Variants in GREM2 observed in about 807,000 individuals in gnomAD.
GREM2 encodes the protein gremlin-2.
A neutral mutation model predicts 14.2 loss-of-function variants in GREM2; 11 were observed. That is an observed-to-expected ratio of 0.78 (90% CI 0.49 to 1.28). GREM2 has a LOEUF of 1.28. Ranked by LOEUF, GREM2 falls within the 50% of genes most tolerant of loss-of-function variation. GREM2 has a pLI of 0.00. For missense variants in GREM2, 210 were observed against 218.5 expected, an observed-to-expected ratio of 0.96 and a Z score of 0.24; for synonymous variants, 98 against 97.6, an observed-to-expected ratio of 1.00 and a Z score of -0.02.
rs190851328 is a variant in GREM2, at chr1:240,537,029, T to A, written c.-1-43553A>T. ...GACCAATTAATTCCTAAGACTTAGA[T>A]ACATTAGTGAAAGCACTTTTAGTTG... On this transcript the variant is annotated intron_variant, in intron 1 of 1. Coordinates refer to ENST00000318160, the MANE Select transcript of GREM2 (RefSeq NM_022469.4). 1.5e-3 allele frequency among the ~76,000 whole-genome samples: 227 copies of A among 152,338 alleles called. 1 individual carries two copies. Among genetic ancestry groups the A allele is most frequent in the African/African-American group, 3.8e-3 (156 of 41,576 alleles).
intron 1 of GREM2, among the ~76,000 whole-genome samples, chr1:240,582,273 T>TA (rs1471844631): frequency 3.3e-5 from 5 of 152,066 alleles, no homozygotes; most frequent in African/African-American, 1.2e-4. Flanking sequence ...CCGTCTCTAC[T>TA]AAAAATACAA....
chr1:240,489,580 G>C lies in GREM2; in HGVS notation c.*3389C>G, dbSNP rs961903502. 6.6e-6 allele frequency: 1 copy of C among 152,214 alleles called. No individual in the cohort carries two copies. Among genetic ancestry groups the C allele is most frequent in the Non-Finnish European group, 1.5e-5 (1 of 68,040 alleles). 9.4% of individuals were successfully genotyped at this position (152,214 alleles called of 1,614,324 possible). Reference sequence around the variant, plus strand: ...CATGATGAATAAGACATCTTAGGCTGCTCTGCCTATGAAGTAGGCATTCTT... The same window carrying C: ...CATGATGAATAAGACATCTTAGGCTCCTCTGCCTATGAAGTAGGCATTCTT... On this transcript the variant is annotated 3_prime_UTR_variant, in exon 2 of 2. Transcript: ENST00000318160.
intron 1 of GREM2, 74 bp from the exon 2 acceptor site, chr1:240,493,550 T>TA (rs1677322595): frequency 5.6e-6 from 8 of 1,434,258 alleles, no homozygotes; most frequent in Non-Finnish European, 7.4e-6. Flanking sequence ...TATTTTTTTT[T>TA]TTATTTTAGA....
At chr1:240,510,286 C>G (rs986109390) in intron 1 of GREM2, among the ~76,000 whole-genome samples, 1 of 128,146 alleles carries the variant, frequency 7.8e-6, no homozygotes, top group Non-Finnish European at 1.6e-5. Context: ...AGGAGAATGG[C>G]GTGAACCGGG....
chr1:240,522,780 C>G (rs1678132432), intron 1 of GREM2, among the ~76,000 whole-genome samples: 2 of 152,128 alleles, frequency 1.3e-5, no homozygotes, highest in Non-Finnish European at 2.9e-5. Flanking sequence ...GGAAAGAACA[C>G]TTCATCTATC....
In GREM2 at chr1:240,489,680, T is replaced by C. The variant is rs746155470; in HGVS notation, c.*3289A>G. 1 of 152,270 alleles carries C rather than the reference T, an allele frequency of 6.6e-6. No individual in the cohort carries two copies. Among genetic ancestry groups the C allele is most frequent in the Non-Finnish European group, 1.5e-5 (1 of 68,044 alleles). The allele number at this position is 152,270 out of a possible 1,614,324, so 9.4% of individuals were successfully genotyped here. A position where few individuals can be genotyped will look rare whatever the true frequency, so the allele number is the denominator to read the frequency against. The stretch of plus-strand genomic sequence containing the variant: ...TGCATTATTGATGACTTGGTCTTAT[T>C]GTTATCATTCATGCAGACATTAATA... On this transcript the variant is annotated 3_prime_UTR_variant, in exon 2 of 2. Coordinates refer to ENST00000318160, the MANE Select transcript of GREM2 (RefSeq NM_022469.4).
intron 1 of GREM2, among the ~76,000 whole-genome samples, chr1:240,598,006 A>T (rs530855896): frequency 1.3e-5 from 2 of 152,312 alleles, no homozygotes; most frequent in Non-Finnish European, 1.5e-5. Context: ...GATTTATTTG[A>T]TAGTTTTGGC....
At chr1:240,535,783 A>T (rs1380279191) in intron 1 of GREM2, among the ~76,000 whole-genome samples, 1 of 131,806 alleles carries the variant, frequency 7.6e-6, no homozygotes, top group Non-Finnish European at 1.6e-5. Context: ...TAGATGATAA[A>T]GGGAGACTCC....
chr1:240,603,365 G>A (rs546598463), intron 1 of GREM2, among the ~76,000 whole-genome samples: 2 of 152,204 alleles, frequency 1.3e-5, no homozygotes, highest in South Asian at 2.1e-4. Flanking sequence ...TCAAGTAAAC[G>A]GAAGAGATAC....
intron 1 of GREM2, among the ~76,000 whole-genome samples, chr1:240,563,612 G>A (rs1434977493): frequency 6.6e-6 from 1 of 152,096 alleles, no homozygotes; most frequent in Admixed American, 6.6e-5. Flanking sequence ...ACCTTAGGCG[G>A]TCTCTATAGC....
chr1:240,515,144 G>A (rs1390622054), intron 1 of GREM2, among the ~76,000 whole-genome samples: 8 of 152,178 alleles, frequency 5.3e-5, no homozygotes, highest in Admixed American at 3.9e-4. Context: ...GGAATGGGGA[G>A]GAGGACTGAT....
At chr1:240,599,035 G>A (rs777166228) in intron 1 of GREM2, among the ~76,000 whole-genome samples, 10 of 152,166 alleles carry the variant, frequency 6.6e-5, no homozygotes, top group East Asian at 1.9e-4. Flanking sequence ...TTGGGAGACC[G>A]AGGCAGGCAG....
chr1:240,513,352 G>A (rs932721857), intron 1 of GREM2, among the ~76,000 whole-genome samples: 1 of 152,066 alleles, frequency 6.6e-6, no homozygotes, highest in African/African-American at 2.4e-5. Context: ...CGAGGCGGGC[G>A]GATCGCGAGG....
At chr1:240,560,536 G>A (rs1434058672) in intron 1 of GREM2, among the ~76,000 whole-genome samples, 1 of 152,128 alleles carries the variant, frequency 6.6e-6, no homozygotes, top group Non-Finnish European at 1.5e-5. Flanking sequence ...TGAATGAAGA[G>A]GACAGTTAAG....
Position 240,540,974 on chromosome 1 carries a change from G to A in GREM2, c.-1-47498C>T, listed in dbSNP as rs981421166. ...AGTCTCCTGTGTTTGTTCTGCTTTT[G>A]TGGCACCTTCCTAGTTTGGCTTTCC... On this transcript the variant is annotated intron_variant, in intron 1 of 1. Coordinates refer to ENST00000318160, the MANE Select transcript of GREM2 (RefSeq NM_022469.4). This position sits in a 1 kb window ranked among gnomAD's most constrained non-coding sequence, Gnocchi z 4.2. Among the ~76,000 whole-genome samples the A allele has an allele frequency of 6.6e-6, 1 of 152,142 alleles. No homozygotes were observed. Among genetic ancestry groups the A allele is most frequent in the Non-Finnish European group, 1.5e-5 (1 of 68,032 alleles).
intron 1 of GREM2, among the ~76,000 whole-genome samples, chr1:240,536,594 G>C (rs920846831): frequency 1.3e-5 from 2 of 151,772 alleles, no homozygotes; most frequent in East Asian, 3.8e-4. Context: ...GGCAGCGGGG[G>C]CTGTAGATCT....
intron 1 of GREM2, among the ~76,000 whole-genome samples, chr1:240,574,063 G>C (rs973751174): frequency 6.6e-6 from 1 of 152,006 alleles, no homozygotes; most frequent in Non-Finnish European, 1.5e-5. Context: ...TGGGATTACA[G>C]GCACCCACCA....
chr1:240,526,138 C>T (rs1304891625), intron 1 of GREM2, among the ~76,000 whole-genome samples: 1 of 152,126 alleles, frequency 6.6e-6, no homozygotes, highest in African/African-American at 2.4e-5. Context: ...TCTACAAAGT[C>T]CCTTTGGCCA....
chr1:240,555,651 G>A (rs940435015), intron 1 of GREM2, among the ~76,000 whole-genome samples: 5 of 152,148 alleles, frequency 3.3e-5, no homozygotes, highest in African/African-American at 4.8e-5. Flanking sequence ...TGCTGGTATC[G>A]TGCATATTTT....
Sources: allele counts gnomAD v4.1 joint callset (sites outside exome capture counted in the v4.1 genomes callset), GRCh38; gene constraint gnomAD v4.1.1; non-coding constraint Gnocchi (gnomAD v3.1); transcripts MANE v1.5; gene names NCBI Gene and HGNC (gene_info 2026-07-23, HGNC 2026-07-21).